SMARCC1: variants seen among roughly 807,000 people sequenced by gnomAD.
SMARCC1 encodes SWI/SNF complex subunit SMARCC1.
In SMARCC1, 43 loss-of-function variants were observed where a neutral mutation model predicts 147.4. That is an observed-to-expected ratio of 0.29 (90% CI 0.23 to 0.38). SMARCC1 has a LOEUF of 0.38. Among genes scored for constraint, SMARCC1 ranks in the 10% least tolerant of loss-of-function variants. The pLI, the probability that SMARCC1 is intolerant of heterozygous loss-of-function variation, is 1.00. For missense variants in SMARCC1, 1,119 were observed against 1,381.1 expected, an observed-to-expected ratio of 0.81 and a Z score of 3.01; for synonymous variants, 495 against 484.4, an observed-to-expected ratio of 1.02 and a Z score of -0.29.
intron 13 of SMARCC1, among the ~76,000 whole-genome samples, chr3:47,687,055 T>C (rs2033734190): frequency 6.6e-6 from 1 of 152,242 alleles, no homozygotes; most frequent in Non-Finnish European, 1.5e-5. Context: ...CAATTTAATT[T>C]CTACCTTTTT....
At chr3:47,780,421 C>T (rs887349262) in intron 1 of SMARCC1, among the ~76,000 whole-genome samples, 1 of 151,902 alleles carries the variant, frequency 6.6e-6, no homozygotes, top group African/African-American at 2.4e-5. Context: ...TCCACCCGCC[C>T]GGCCTTCCAA....
Position 47,658,650 on chromosome 3 carries a change from AT to A in SMARCC1, c.2320+2643del, listed in dbSNP as rs1456278007. Among the ~76,000 whole-genome samples, 3 of 152,284 alleles carry A rather than the reference AT, an allele frequency of 2.0e-5. No individual in the cohort carries two copies. The East Asian group carries it at 5.8e-4, about 29-fold the overall frequency. ...ATATTCCATTGTATGGATATACCAC[AT>A]TTTGCTTATCACATATCAGATGATG... On this transcript the variant is annotated intron_variant, in intron 21 of 27. Coordinates refer to ENST00000254480, the MANE Select transcript of SMARCC1 (RefSeq NM_003074.4).
At chr3:47,605,939 G>A (rs1469024347) in intron 26 of SMARCC1, among the ~76,000 whole-genome samples, 2 of 151,554 alleles carry the variant, frequency 1.3e-5, no homozygotes, top group African/African-American at 4.8e-5. Flanking sequence ...TCTGTGTGTT[G>A]GTTACACATG....
intron 5 of SMARCC1, among the ~76,000 whole-genome samples, chr3:47,729,746 G>T (rs773645670): frequency 6.6e-6 from 1 of 152,142 alleles, no homozygotes; most frequent in Non-Finnish European, 1.5e-5. Flanking sequence ...TACTTCAAGT[G>T]AATCAATGCC....
At chr3:47,653,246 G>C (rs576843161) in intron 21 of SMARCC1, among the ~76,000 whole-genome samples, 1 of 152,112 alleles carries the variant, frequency 6.6e-6, no homozygotes, top group Non-Finnish European at 1.5e-5. Context: ...CGTGAGCCAC[G>C]GCGCCCGGCC....
At chr3:47,748,364 C>T (rs1185898664) in intron 2 of SMARCC1, among the ~76,000 whole-genome samples, 1 of 151,992 alleles carries the variant, frequency 6.6e-6, no homozygotes, top group Non-Finnish European at 1.5e-5. Flanking sequence ...CAAGCAAGTG[C>T]CAATACGCCT....
intron 2 of SMARCC1, among the ~76,000 whole-genome samples, chr3:47,747,492 C>G (rs2106842952): frequency 5.4e-5 from 1 of 18,460 alleles, no homozygotes; most frequent in African/African-American, 8.6e-5. Context: ...TAAAAATTAG[C>G]CAGGCATGGT....
In SMARCC1 at chr3:47,706,527, C is replaced by A. The variant is rs1012020370; in HGVS notation, c.922G>T (p.Val308Phe). 9 of 1,569,894 alleles carry A rather than the reference C, an allele frequency of 5.7e-6. No individual in the cohort carries two copies. In the African/African-American group the frequency reaches 9.7e-5, roughly 17 times the overall value. Residue 308 changes from valine (V) to phenylalanine (F), a missense_variant, in exon 10 of 28, where the codon GTC (valine) becomes TTC (phenylalanine). This residue lies in a region of SMARCC1 where 542 missense variants were observed against 611.8 expected (regional missense o/e 0.89). Coordinates refer to ENST00000254480, the MANE Select transcript of SMARCC1 (RefSeq NM_003074.4). ...QRISTKNEEP[V>F]RSPERRDRKA... Reference sequence around the variant, plus strand: ...CTATCTCTTCTTTCTGGACTTCTGACTGGCTAGGAAGAAGTAAATGGAAAT... The same window carrying A: ...CTATCTCTTCTTTCTGGACTTCTGAATGGCTAGGAAGAAGTAAATGGAAAT...
intron 24 of SMARCC1, among the ~76,000 whole-genome samples, chr3:47,626,903 C>T (rs184398405): frequency 3.3e-5 from 5 of 152,208 alleles, no homozygotes; most frequent in African/African-American, 1.2e-4. Flanking sequence ...TGGAAAAAAA[C>T]CTCAGTTACC....
intron 24 of SMARCC1, among the ~76,000 whole-genome samples, chr3:47,629,741 C>T (rs2032862212): frequency 6.6e-6 from 1 of 152,050 alleles, no homozygotes; most frequent in Non-Finnish European, 1.5e-5. Flanking sequence ...TCTATAATAG[C>T]CCAGCGATGA....
chr3:47,590,561 G>T, intron 27 of SMARCC1, 100 bp downstream of exon 27: 1 of 1,046,274 alleles, frequency 9.6e-7, no homozygotes, highest in Admixed American at 3.6e-5. Context: ...ATCATCCATG[G>T]ACCTGCCAAA....
intron 2 of SMARCC1, among the ~76,000 whole-genome samples, chr3:47,747,572 G>T (rs1161434076): frequency 1.3e-5 from 2 of 149,018 alleles, no homozygotes; most frequent in African/African-American, 4.9e-5. Context: ...GGGAAGTCAA[G>T]CTGTAGTGAA....
In SMARCC1 at chr3:47,765,042, G is replaced by A. The variant is rs1047338324; in HGVS notation, c.315+7775C>T. ...TGAGGCAGGCAGACCACCTGAGGTC[G>A]GGAGTTCAAGACCAGCCTGAACAAC... On this transcript the variant is annotated intron_variant, in intron 2 of 27. Transcript: ENST00000254480. Among the ~76,000 whole-genome samples, 3 of 152,058 alleles carry A rather than the reference G, an allele frequency of 2.0e-5. 1 individual carries two copies. The highest frequency in any genetic ancestry group is 4.4e-5 in the Non-Finnish European group (3 of 68,030).
chr3:47,609,086 A>C (rs2106667468), intron 26 of SMARCC1, among the ~76,000 whole-genome samples: 1 of 152,282 alleles, frequency 6.6e-6, no homozygotes, highest in South Asian at 2.1e-4. Context: ...ATGTCAACAA[A>C]TGTGTGAATC....
chr3:47,636,768 AACC>A (rs1424200286), intron 22 of SMARCC1, among the ~76,000 whole-genome samples: 1 of 149,054 alleles, frequency 6.7e-6, no homozygotes, highest in Non-Finnish European at 1.5e-5. Flanking sequence ...AAACAACAAC[AACC>A]ACAACAAAAT....
chr3:47,723,112 T>C (rs183519382), intron 6 of SMARCC1, among the ~76,000 whole-genome samples: 150 of 152,226 alleles, frequency 9.9e-4, no homozygotes, highest in African/African-American at 3.5e-3. Context: ...GATTGGTTGG[T>C]TTACATATGA....
At chr3:47,643,358 T>C (rs2033073904) in intron 21 of SMARCC1, among the ~76,000 whole-genome samples, 1 of 152,172 alleles carries the variant, frequency 6.6e-6, no homozygotes, top group African/African-American at 2.4e-5. Flanking sequence ...CATGCATGTG[T>C]AACACAGAAA....
At chr3:47,704,479 C>A (rs1397934178) in intron 10 of SMARCC1, among the ~76,000 whole-genome samples, 2 of 152,054 alleles carry the variant, frequency 1.3e-5, no homozygotes, top group African/African-American at 4.8e-5. Context: ...GAGCCTCATG[C>A]CTCCTAGAGA....
chr3:47,676,395 T>C (rs905911536), intron 17 of SMARCC1, among the ~76,000 whole-genome samples: 9 of 152,184 alleles, frequency 5.9e-5, no homozygotes, highest in Non-Finnish European at 8.8e-5. Context: ...AAATTAATAA[T>C]TTGACAGAGT....
Sources: allele counts gnomAD v4.1 joint callset (sites outside exome capture counted in the v4.1 genomes callset), GRCh38; gene constraint gnomAD v4.1.1; regional missense constraint gnomAD v4.1.1; transcripts MANE v1.5; gene names NCBI Gene and HGNC (gene_info 2026-07-23, HGNC 2026-07-21).